RYR3: variants seen among roughly 807,000 people sequenced by gnomAD.
RYR3 encodes the protein brain ryanodine receptor-calcium release channel.
Under a neutral mutation model 584.3 loss-of-function variants are expected in RYR3, and 207 were observed. The observed-to-expected ratio is 0.35, with a 90% CI of 0.32 to 0.40. The LOEUF (loss-of-function observed/expected upper bound fraction) is 0.40, where lower values mean the gene tolerates loss of function less well. RYR3 is among the 10% of genes least tolerant of loss of function. RYR3 has a pLI of 1.00. For missense variants in RYR3, 5,616 were observed against 6,089.2 expected, an observed-to-expected ratio of 0.92 and a Z score of 2.59; for synonymous variants, 2,416 against 2,248.5, an observed-to-expected ratio of 1.07 and a Z score of -2.11.
chr15:33,592,480 A>G (rs1014720665), intron 16 of RYR3, among the ~76,000 whole-genome samples: 3 of 152,178 alleles, frequency 2.0e-5, no homozygotes, highest in Non-Finnish European at 4.4e-5. Context: ...CCCTTGTTGG[A>G]TATCTGTATC....
intron 85 of RYR3, chr15:33,830,750 C>T (rs933322839): frequency 4.9e-6 from 2 of 408,258 alleles, no homozygotes; most frequent in Admixed American, 4.2e-5. Flanking sequence ...GAAGGCAGTC[C>T]TCACTCCTAT....
intron 1 of RYR3, among the ~76,000 whole-genome samples, chr15:33,462,207 G>A (rs1159473385): frequency 1.3e-5 from 2 of 152,010 alleles, no homozygotes; most frequent in Admixed American, 6.5e-5. Context: ...TTTGAAAAAG[G>A]TAGTGTTCCC....
chr15:33,766,760 G>C (rs936576060), intron 60 of RYR3, among the ~76,000 whole-genome samples: 10 of 152,174 alleles, frequency 6.6e-5, no homozygotes, highest in African/African-American at 2.4e-4. Context: ...TGCAATCTTC[G>C]CCCTTGCGCC....
At chr15:33,409,738 T>C (rs770234568) in intron 1 of RYR3, among the ~76,000 whole-genome samples, 1 of 152,118 alleles carries the variant, frequency 6.6e-6, no homozygotes, top group Non-Finnish European at 1.5e-5. Context: ...ATCTTAGGAG[T>C]TGCCCACTTC....
At chr15:33,618,185 G>T (rs2060547433) in intron 19 of RYR3, among the ~76,000 whole-genome samples, 1 of 152,134 alleles carries the variant, frequency 6.6e-6, no homozygotes, top group Admixed American at 6.5e-5. Flanking sequence ...AAATTCATGA[G>T]TTAGGCATCA....
chr15:33,529,355 T>C (rs2054657308), intron 3 of RYR3, among the ~76,000 whole-genome samples: 1 of 152,076 alleles, frequency 6.6e-6, no homozygotes, highest in Admixed American at 6.6e-5. Context: ...TTTGACAGAG[T>C]GATGCTATTA....
intron 3 of RYR3, among the ~76,000 whole-genome samples, chr15:33,523,480 C>T (rs187854696): frequency 5.3e-5 from 8 of 152,220 alleles, no homozygotes; most frequent in Non-Finnish European, 1.2e-4. Context: ...GCACTCACCG[C>T]AAGGTCTGCG....
At chr15:33,579,845 G>T in intron 12 of RYR3, 131 bp from the exon 13 acceptor site, 2 of 518,160 alleles carry the variant, frequency 3.9e-6, no homozygotes, top group South Asian at 9.6e-5. Context: ...TGTAGCTGCT[G>T]GTACAGTGGC....
intron 5 of RYR3, among the ~76,000 whole-genome samples, chr15:33,536,316 CTT>C (rs1451587631): frequency 6.6e-6 from 1 of 152,190 alleles, no homozygotes. Flanking sequence ...CATTCTCACA[CTT>C]AACACAGAAT....
rs550787793 is a variant in RYR3 at position 33,705,462 on chromosome 15, T to C, written c.6484-1457T>C. ...ATCTTAAAAAACACCATCTCTGACT[T>C]TGAGGATTTTGGAGCACTGTGGATT... On this transcript the variant is annotated intron_variant, in intron 42 of 103. Coordinates refer to ENST00000634891, the MANE Select transcript of RYR3 (RefSeq NM_001036.6). Among the ~76,000 whole-genome samples, 5 of 152,318 alleles carry C rather than the reference T, an allele frequency of 3.3e-5. No homozygotes were observed. The East Asian group carries it at 9.6e-4, about 29-fold the overall frequency.
intron 85 of RYR3, among the ~76,000 whole-genome samples, chr15:33,830,508 T>C (rs1218202022): frequency 6.6e-6 from 1 of 152,242 alleles, no homozygotes; most frequent in Non-Finnish European, 1.5e-5. Context: ...ACATTTTGTA[T>C]GACTCACTTT....
At chr15:33,577,511 A>G (rs1310132309) in intron 12 of RYR3, among the ~76,000 whole-genome samples, 1 of 152,208 alleles carries the variant, frequency 6.6e-6, no homozygotes, top group Non-Finnish European at 1.5e-5. Flanking sequence ...AAAACAAGCA[A>G]TGGGGAAGTG....
intron 2 of RYR3, among the ~76,000 whole-genome samples, chr15:33,475,817 G>T (rs541924055): frequency 2.6e-5 from 4 of 152,150 alleles, no homozygotes; most frequent in Non-Finnish European, 5.9e-5. Flanking sequence ...TTCGTAAATC[G>T]CCTAGTGCAT....
intron 78 of RYR3, 135 bp from the exon 79 acceptor site, chr15:33,821,135 A>G (rs2077081945): frequency 1.5e-6 from 1 of 671,152 alleles, no homozygotes; most frequent in Non-Finnish European, 2.6e-6. Flanking sequence ...AATAAACTTC[A>G]GAAGTCTGCT....
At chr15:33,405,748 G>A (rs1263270085) in intron 1 of RYR3, among the ~76,000 whole-genome samples, 1 of 152,194 alleles carries the variant, frequency 6.6e-6, no homozygotes, top group Non-Finnish European at 1.5e-5. Flanking sequence ...ATCGAACTGG[G>A]TAGTCCAGCT....
At chr15:33,609,652 C>A (rs1341096851) in intron 18 of RYR3, among the ~76,000 whole-genome samples, 1 of 150,266 alleles carries the variant, frequency 6.7e-6, no homozygotes, top group Non-Finnish European at 1.5e-5. Flanking sequence ...AACTCTGTCT[C>A]AAAAAAAAGT....
chr15:33,607,854 G>A (rs1000572660), intron 18 of RYR3, among the ~76,000 whole-genome samples: 25 of 152,212 alleles, frequency 1.6e-4, no homozygotes, highest in African/African-American at 5.5e-4. Flanking sequence ...TACAGTGTGC[G>A]AGGCGCTCTT....
Position 33,724,184 on chromosome 15 carries a change from A to G in RYR3, c.6912+8A>G, listed in dbSNP as rs1351085229. Reference sequence around the variant, plus strand: ...TGTGCTCCTGAAATGCACGTAAGTGATACAGCTTCCAGAGAACAGCTTTGA... The same window carrying G: ...TGTGCTCCTGAAATGCACGTAAGTGGTACAGCTTCCAGAGAACAGCTTTGA... On this transcript the variant is annotated splice_region_variant and intron_variant, in intron 45 of 103. Transcript: ENST00000634891. 6 of 1,498,400 alleles carry G rather than the reference A, an allele frequency of 4.0e-6. No individual in the cohort carries two copies. The African/African-American group carries it at 8.2e-5, about 21-fold the overall frequency. 92.8% of individuals were successfully genotyped at this position (1,498,400 alleles called of 1,614,324 possible).
intron 15 of RYR3, 56 bp from the exon 16 acceptor site, chr15:33,585,942 G>T: frequency 3.0e-6 from 3 of 987,288 alleles, no homozygotes; most frequent in South Asian, 1.3e-5. Context: ...TCTAAATTGT[G>T]GTCACTTCTG....
Sources: gnomAD v4.1 joint callset for allele counts (sites outside exome capture counted in the v4.1 genomes callset) on GRCh38, gnomAD v4.1.1 for gene constraint, MANE v1.5 for transcripts, NCBI Gene and HGNC (gene_info 2026-07-23, HGNC 2026-07-21) for gene names.